The following RBFOX1 variants were observed in gnomAD, a reference collection of about 807,000 sequenced individuals.
RBFOX1 encodes the protein RNA binding fox-1 homolog 1, also known as RNA binding protein fox-1 homolog 1.
RBFOX1 carries 8 observed loss-of-function variants against 57.7 expected under a neutral mutation model. The ratio of observed to expected loss-of-function variants is 0.14; its 90% CI spans 0.08 to 0.25. The LOEUF is 0.25. RBFOX1 is among the 10% of genes least tolerant of loss of function. RBFOX1 has a pLI of 1.00. For synonymous variants in RBFOX1, 326 were observed against 222.4 expected, an observed-to-expected ratio of 1.47 and a Z score of -4.15; for missense variants, 611 against 548.5, an observed-to-expected ratio of 1.11 and a Z score of -1.14.
At chr16:5,616,680 A>C (rs2048035663) in intron 3 of RBFOX1, among the ~76,000 whole-genome samples, 4 of 55,214 alleles carry the variant, frequency 7.2e-5, no homozygotes, top group East Asian at 3.5e-4. Context: ...CCTCCCCTTT[A>C]TCTTCCGCCC....
intron 2 of RBFOX1, among the ~76,000 whole-genome samples, chr16:5,507,588 C>T (rs2043421962): frequency 6.6e-6 from 1 of 152,174 alleles, no homozygotes; most frequent in South Asian, 2.1e-4. Context: ...GAAGTCCTAA[C>T]CCTTCATGCC....
At chr16:5,444,259 G>C (rs1024075997) in intron 1 of RBFOX1, among the ~76,000 whole-genome samples, 13 of 152,326 alleles carry the variant, frequency 8.5e-5, no homozygotes, top group Admixed American at 6.5e-4. Flanking sequence ...CAGATTGGCT[G>C]CCTTGCTACC....
chr16:6,909,223 A>G lies in RBFOX1; in HGVS notation c.-15-142834A>G, dbSNP rs186932296. On this transcript the variant is annotated intron_variant, in intron 3 of 15. Coordinates refer to ENST00000550418, the MANE Select transcript of RBFOX1 (RefSeq NM_018723.4). ...CTCCCTTTGCCGGTTTCTAGAGGCC[A>G]CCCAGATTACATGGCTCATGGCCCT... Among the ~76,000 whole-genome samples the G allele has an allele frequency of 1.7e-4, 26 of 152,250 alleles. No individual in the cohort carries two copies. The East Asian group carries it at 4.3e-3, about 25-fold the overall frequency.
intron 4 of RBFOX1, among the ~76,000 whole-genome samples, chr16:7,163,215 G>C (rs761639256): frequency 1.3e-5 from 2 of 152,136 alleles, no homozygotes; most frequent in African/African-American, 4.8e-5. Flanking sequence ...GTTAAAGCAG[G>C]GGGAGTCTAC....
chr16:5,785,781 C>G (rs986307941), intron 3 of RBFOX1, among the ~76,000 whole-genome samples: 1 of 152,124 alleles, frequency 6.6e-6, no homozygotes, highest in African/African-American at 2.4e-5. Flanking sequence ...CATGCCTTGG[C>G]CTCCCAAAGT....
At chr16:6,893,014 A>G (rs2065896804) in intron 3 of RBFOX1, among the ~76,000 whole-genome samples, 1 of 152,098 alleles carries the variant, frequency 6.6e-6, no homozygotes, top group Admixed American at 6.5e-5. Context: ...TTTCATTGCA[A>G]ACACTGCAGT....
At position 7,410,743 on chromosome 16, in the gene RBFOX1, T is replaced by G. The variant is rs140309701; in HGVS notation, c.28-107404T>G. ...TTCTGTTAACCCCTATCCTCCTCTC[T>G]TGGTTGGATAACAGTTTTAGACTGA... On this transcript the variant is annotated intron_variant, in intron 4 of 15. Coordinates refer to ENST00000550418, the MANE Select transcript of RBFOX1 (RefSeq NM_018723.4). Among the ~76,000 whole-genome samples the G allele has an allele frequency of 2.5e-3, 383 of 152,220 alleles. 3 individuals carry two copies. Among genetic ancestry groups the G allele is most frequent in the Middle Eastern group, 6.8e-3 (2 of 294 alleles).
intron 5 of RBFOX1, among the ~76,000 whole-genome samples, chr16:7,575,741 A>T (rs377414556): frequency 6.6e-6 from 1 of 152,190 alleles, no homozygotes; most frequent in African/African-American, 2.4e-5. Flanking sequence ...GAGACATAAA[A>T]CGCTGGCTGG....
chr16:5,320,771 T>C (rs898066463), intron 1 of RBFOX1, among the ~76,000 whole-genome samples: 2 of 152,150 alleles, frequency 1.3e-5, no homozygotes, highest in Non-Finnish European at 2.9e-5. Flanking sequence ...GGACCACAAC[T>C]TGAAGCTCCA....
rs1017597603 is a variant in RBFOX1 at position 6,679,703 on chromosome 16, A to C, written c.-16+25053A>C. 3.3e-5 allele frequency among the ~76,000 whole-genome samples: 5 copies of C among 152,238 alleles called. No homozygotes were observed. The East Asian group carries it at 7.7e-4, about 24-fold the overall frequency. ...TCTAAACTAACCACCACACCATACA[A>C]GAGTACTTGAGTGAGTTCTTTGAGG... On this transcript the variant is annotated intron_variant, in intron 3 of 15. Transcript: ENST00000550418.
chr16:5,433,509 A>G (rs2067816818), intron 1 of RBFOX1, among the ~76,000 whole-genome samples: 1 of 152,194 alleles, frequency 6.6e-6, no homozygotes, highest in East Asian at 1.9e-4. Flanking sequence ...GAGGGCAGAA[A>G]TGTTGACCTC....
chr16:5,587,586 G>C (rs60375660), intron 2 of RBFOX1, among the ~76,000 whole-genome samples: 1 of 152,158 alleles, frequency 6.6e-6, no homozygotes, highest in African/African-American at 2.4e-5. Context: ...GGTGGCAGAT[G>C]CCTGTAATCC....
chr16:6,059,589 C>T (rs2095658068), intron 1 of RBFOX1, among the ~76,000 whole-genome samples: 1 of 151,704 alleles, frequency 6.6e-6, no homozygotes, highest in Non-Finnish European at 1.5e-5. Flanking sequence ...GGGAGGAATG[C>T]ATGTGTTTAA....
chr16:5,465,753 T>C (rs1350415614), intron 1 of RBFOX1, among the ~76,000 whole-genome samples: 1 of 152,226 alleles, frequency 6.6e-6, no homozygotes, highest in Non-Finnish European at 1.5e-5. Flanking sequence ...GGACCAGGCA[T>C]GCGTGGCCTC....
intron 4 of RBFOX1, among the ~76,000 whole-genome samples, chr16:7,176,327 T>C (rs1380837633): frequency 6.6e-6 from 1 of 151,960 alleles, no homozygotes; most frequent in Non-Finnish European, 1.5e-5. Context: ...TATGTTATAT[T>C]TGATTTTACA....
Position 7,710,958 on chromosome 16 carries a change from C to T in RBFOX1, c.*213C>T, listed in dbSNP as rs11865831. The T allele has an allele frequency of 3.3e-3, 1,813 of 555,518 alleles. 27 individuals carry two copies. Among genetic ancestry groups the T allele is most frequent in the African/African-American group, 0.032 (1,606 of 50,788 alleles). The allele number at this position is 555,518 out of a possible 1,614,324, so 34.4% of individuals were successfully genotyped here. A position where few individuals can be genotyped will look rare whatever the true frequency, so the allele number is the denominator to read the frequency against. On this transcript the variant is annotated 3_prime_UTR_variant, in exon 16 of 16. Transcript: ENST00000550418. ...GTGGGTCTTTAATTTCTGAAGGTTCCGTAGTTTGGTTGCTGGCTGTAGGAG... is the reference window on the plus strand; with the variant it reads ...GTGGGTCTTTAATTTCTGAAGGTTCTGTAGTTTGGTTGCTGGCTGTAGGAG...
intron 2 of RBFOX1, among the ~76,000 whole-genome samples, chr16:5,575,680 C>G (rs4786718): frequency 6.6e-6 from 1 of 152,068 alleles, no homozygotes; most frequent in Non-Finnish European, 1.5e-5. Flanking sequence ...GAGTGTGGAC[C>G]TAACCAGTGA....
intron 3 of RBFOX1, among the ~76,000 whole-genome samples, chr16:6,858,869 A>G (rs955533061): frequency 2.6e-5 from 4 of 151,782 alleles, no homozygotes; most frequent in Non-Finnish European, 5.9e-5. Context: ...ACTCGTAGCT[A>G]TTTCTGAAGC....
intron 3 of RBFOX1, among the ~76,000 whole-genome samples, chr16:6,663,561 T>C (rs555949186): frequency 2.6e-5 from 4 of 152,284 alleles, no homozygotes; most frequent in African/African-American, 4.8e-5. Context: ...TGAAGGAGTT[T>C]CCCTTCAAAG....
Sources: gnomAD v4.1 joint callset for allele counts (sites outside exome capture counted in the v4.1 genomes callset) on GRCh38, gnomAD v4.1.1 for gene constraint, MANE v1.5 for transcripts, NCBI Gene and HGNC (gene_info 2026-07-23, HGNC 2026-07-21) for gene names.